Variants in GPR139 observed in about 807,000 individuals in gnomAD.
The protein encoded by GPR139 is probable G protein-coupled receptor 139.
GPR139 carries 12 observed loss-of-function variants against 25.8 expected under a neutral mutation model. The observed-to-expected ratio is 0.47, with a 90% confidence interval of 0.30 to 0.75. GPR139 has a LOEUF of 0.75. Among genes scored for constraint, GPR139 ranks in the 30% least tolerant of loss-of-function variants. The probability of loss-of-function intolerance (pLI) is 0.07; values close to 1 mark genes in which losing one functional copy is unlikely to be tolerated. For synonymous variants in GPR139, 184 were observed against 179.9 expected, an observed-to-expected ratio of 1.02 and a Z score of -0.18; for missense variants, 380 against 450.2, an observed-to-expected ratio of 0.84 and a Z score of 1.41.
chr16:20,038,273 T>C (rs558188396), intron 1 of GPR139, among the ~76,000 whole-genome samples: 1 of 151,720 alleles, frequency 6.6e-6, no homozygotes, highest in African/African-American at 2.4e-5. Flanking sequence ...GAAAAAGTGC[T>C]ATATATATAC....
At chr16:20,059,628 C>T (rs2057403511) in intron 1 of GPR139, among the ~76,000 whole-genome samples, 1 of 152,158 alleles carries the variant, frequency 6.6e-6, no homozygotes, top group Non-Finnish European at 1.5e-5. Context: ...CATTGGCTTC[C>T]CTGCCTGCTG....
chr16:20,067,820 A>AG, intron 1 of GPR139, among the ~76,000 whole-genome samples: 1 of 151,664 alleles, frequency 6.6e-6, no homozygotes, highest in Admixed American at 6.6e-5. Flanking sequence ...AAAAAAAAAA[A>AG]AAAAGCATTG....
chr16:20,043,695 G>A (rs1325898417), intron 1 of GPR139, among the ~76,000 whole-genome samples: 1 of 152,196 alleles, frequency 6.6e-6, no homozygotes, highest in Non-Finnish European at 1.5e-5. Context: ...CTGGTAAGAT[G>A]AAGTACCTTG....
chr16:20,031,856 T>G lies in GPR139; in HGVS notation c.941A>C (p.Tyr314Ser). The G allele has an allele frequency of 6.2e-7, 1 of 1,614,236 alleles. No individual in the cohort carries two copies. Among genetic ancestry groups the G allele is most frequent in the Non-Finnish European group, 8.5e-7 (1 of 1,180,042 alleles). The change falls in exon 2 of 2, where the codon TAC becomes TCC. Residue 314 changes from tyrosine (Y) to serine (S), a missense_variant. Tyr to Ser is a moderately radical substitution (Grantham distance 144). Coordinates refer to ENST00000570682, the MANE Select transcript of GPR139 (RefSeq NM_001002911.4). ...TGTTATGGAAAAGTTATGATTGGTG[T>G]AGAACTGTACAGGTTGCTTCTGGCA... ...FKCQKQPVQF[Y>S]TNHNFSITSS...
intron 1 of GPR139, among the ~76,000 whole-genome samples, chr16:20,072,215 GC>G (rs2057462030): frequency 6.6e-6 from 1 of 152,166 alleles, no homozygotes; most frequent in Admixed American, 6.5e-5. Flanking sequence ...CTCATCACTG[GC>G]TTGGGGAGAG....
chr16:20,037,005 T>G (rs1192666180), intron 1 of GPR139, among the ~76,000 whole-genome samples: 1 of 152,112 alleles, frequency 6.6e-6, no homozygotes, highest in Non-Finnish European at 1.5e-5. Context: ...GAGTTTATAG[T>G]ATAATGAGGG....
intron 1 of GPR139, among the ~76,000 whole-genome samples, chr16:20,034,144 A>G (rs753293044): frequency 1.3e-5 from 2 of 152,118 alleles, no homozygotes; most frequent in East Asian, 3.9e-4. Flanking sequence ...CGATAATGCT[A>G]TTTTGCAACC....
chr16:20,047,124 T>G (rs113730833), intron 1 of GPR139, among the ~76,000 whole-genome samples: 12,387 of 152,088 alleles, frequency 0.081, 591 homozygotes, highest in Non-Finnish European at 0.11. Flanking sequence ...TTTTTTGTTT[T>G]TTTTGAGGTG....
intron 1 of GPR139, among the ~76,000 whole-genome samples, chr16:20,059,320 C>T (rs965498172): frequency 9.2e-5 from 14 of 152,216 alleles, no homozygotes; most frequent in South Asian, 2.1e-4. Context: ...CCCACCATCA[C>T]CCACCTAGCC....
intron 1 of GPR139, among the ~76,000 whole-genome samples, chr16:20,059,382 T>C (rs1208631698): frequency 2.0e-5 from 3 of 152,170 alleles, no homozygotes; most frequent in African/African-American, 7.2e-5. Flanking sequence ...TCCCACTTTT[T>C]CATTGTACTC....
At position 20,028,957 on chromosome 16, in the gene GPR139, G is replaced by A. The variant is rs1301839978; in HGVS notation, c.*2778C>T. Among the ~76,000 whole-genome samples, 1 of 151,940 alleles carries A rather than the reference G, an allele frequency of 6.6e-6. No individual in the cohort carries two copies. Among genetic ancestry groups the A allele is most frequent in the African/African-American group, 2.4e-5 (1 of 41,368 alleles). On this transcript the variant is annotated 3_prime_UTR_variant, in exon 2 of 2. Coordinates refer to ENST00000570682, the MANE Select transcript of GPR139 (RefSeq NM_001002911.4). ...CTGGCCTGAAAGAAAAGGCTTACAA[G>A]TTTTTAAAGTTTTAAAGTTAAAAAA...
At chr16:20,045,961 G>A (rs2057353158) in intron 1 of GPR139, among the ~76,000 whole-genome samples, 1 of 152,180 alleles carries the variant, frequency 6.6e-6, no homozygotes, top group Non-Finnish European at 1.5e-5. Context: ...GGGACCAACA[G>A]GAAATCAGAG....
At chr16:20,070,105 C>A (rs907395330) in intron 1 of GPR139, among the ~76,000 whole-genome samples, 2 of 152,196 alleles carry the variant, frequency 1.3e-5, no homozygotes. Flanking sequence ...GCACTGTTTG[C>A]CTTATTGCAC....
intron 1 of GPR139, among the ~76,000 whole-genome samples, chr16:20,071,515 A>C (rs1021807126): frequency 6.6e-6 from 1 of 152,222 alleles, no homozygotes; most frequent in South Asian, 2.1e-4. Context: ...AATACTTAGC[A>C]TACCATAGTG....
Position 20,032,385 on chromosome 16 carries a change from T to G in GPR139, c.412A>C (p.Thr138Pro). 6.2e-7 allele frequency: 1 copy of G among 1,614,168 alleles called. No individual in the cohort carries two copies. The highest frequency in any genetic ancestry group is 1.1e-5 in the South Asian group (1 of 91,082). ...CGGGTGCGGGCTGGGTATGAGACCG[T>G]GTGGTACTTGAGCGGGTGGCAGACA... ...IAVCHPLKYH[T>P]VSYPARTRKV... The change falls in exon 2 of 2, where the codon ACG becomes CCG. Residue 138 changes from threonine to proline, a missense_variant. Transcript: ENST00000570682.
intron 1 of GPR139, 112 bp from the exon 2 acceptor site, chr16:20,032,781 T>C (rs1391442056): frequency 2.9e-6 from 2 of 694,652 alleles, no homozygotes; most frequent in Admixed American, 2.9e-5. Flanking sequence ...TGAAAATGAT[T>C]GAATCAATGC....
chr16:20,063,177 C>T (rs1363981313), intron 1 of GPR139, among the ~76,000 whole-genome samples: 1 of 152,282 alleles, frequency 6.6e-6, no homozygotes, highest in Admixed American at 6.5e-5. Context: ...TTGGACGGCA[C>T]GTGTATATAA....
chr16:20,053,533 T>G (rs72772740), intron 1 of GPR139, among the ~76,000 whole-genome samples: 11,827 of 152,260 alleles, frequency 0.078, 559 homozygotes, highest in Non-Finnish European at 0.11. Context: ...GGCTGGCGTG[T>G]GGACTGCAGG....
At chr16:20,068,258 A>G (rs1296849017) in intron 1 of GPR139, among the ~76,000 whole-genome samples, 1 of 140,060 alleles carries the variant, frequency 7.1e-6, no homozygotes, top group Non-Finnish European at 1.6e-5. Flanking sequence ...AAAAAAAAAA[A>G]GAAAGGAGAA....
Sources: allele counts gnomAD v4.1 joint callset (sites outside exome capture counted in the v4.1 genomes callset), GRCh38; gene constraint gnomAD v4.1.1; transcripts MANE v1.5; gene names NCBI Gene and HGNC (gene_info 2026-07-23, HGNC 2026-07-21).